The following AMMECR1 variants were observed in gnomAD, a reference collection of about 807,000 sequenced individuals.
The protein encoded by AMMECR1 is nuclear protein AMMECR1.
AMMECR1 carries 3 observed loss-of-function variants against 22.5 expected under a neutral mutation model. The observed-to-expected ratio is 0.13, with a 90% CI of 0.06 to 0.35. The LOEUF is 0.35. Among genes scored for constraint, AMMECR1 ranks in the 10% least tolerant of loss-of-function variants. AMMECR1 has a pLI of 1.00. For synonymous variants in AMMECR1, 130 were observed against 116.7 expected, an observed-to-expected ratio of 1.11 and a Z score of -0.74; for missense variants, 235 against 278.7, an observed-to-expected ratio of 0.84 and a Z score of 1.12.
chrX:110,212,846 A>C (rs2067454209), intron 3 of AMMECR1, among the ~76,000 whole-genome samples: 1 of 111,945 alleles, frequency 8.9e-6, no homozygotes, highest in Non-Finnish European at 1.9e-5. Flanking sequence ...TATGTAACCA[A>C]ATATTCAGAT....
intron 2 of AMMECR1, among the ~76,000 whole-genome samples, chrX:110,378,965 G>A (rs1446457296): frequency 3.6e-5 from 4 of 111,196 alleles, no homozygotes; most frequent in Non-Finnish European, 7.5e-5. Context: ...TGCCAGTCTC[G>A]TGAAACATTA....
At position 110,252,409 on chromosome X, in the gene AMMECR1, G is replaced by T. The variant is rs143458838; in HGVS notation, c.584+12080C>A. 9.2e-3 allele frequency among the ~76,000 whole-genome samples: 1,025 copies of T among 110,991 alleles called. 11 individuals are homozygous for T. The highest frequency in any genetic ancestry group is 0.032 in the African/African-American group (992 of 30,543). On this transcript the variant is annotated intron_variant, in intron 2 of 5. Transcript: ENST00000262844. ...ACTAGCCTGGGTAACATAGTGAGAC[G>T]CTGTTCCCCACAAAAAGAAAAGAGA... is the stretch of plus-strand genomic sequence containing the variant.
intron 1 of AMMECR1, among the ~76,000 whole-genome samples, chrX:110,435,496 T>C (rs1300975775): frequency 8.9e-6 from 1 of 111,997 alleles, no homozygotes; most frequent in African/African-American, 3.3e-5. Context: ...TAATTAGACC[T>C]AGCAGGTCCC....
chrX:110,411,620 C>A (rs769468487), intron 2 of AMMECR1, among the ~76,000 whole-genome samples: 14 of 112,006 alleles, frequency 1.2e-4, no homozygotes, highest in African/African-American at 4.5e-4. Flanking sequence ...AAAAATTTAA[C>A]AACCTGAGTA....
chrX:110,315,450 G>A (rs2068043651), intron 1 of AMMECR1, among the ~76,000 whole-genome samples: 1 of 112,158 alleles, frequency 8.9e-6, no homozygotes, highest in Non-Finnish European at 1.9e-5. Flanking sequence ...CATATCCACA[G>A]TGGTCAAAGT....
At chrX:110,254,915 A>G (rs2067703166) in intron 2 of AMMECR1, among the ~76,000 whole-genome samples, 1 of 111,928 alleles carries the variant, frequency 8.9e-6, no homozygotes, top group African/African-American at 3.2e-5. Context: ...CTGGAGCTAT[A>G]TTCACAACTC....
chrX:110,315,504 G>A (rs1019407092), intron 1 of AMMECR1, among the ~76,000 whole-genome samples: 1 of 112,281 alleles, frequency 8.9e-6, no homozygotes, highest in Non-Finnish European at 1.9e-5. Context: ...AAATCCAGGG[G>A]CTGGGGTGTT....
At chrX:110,414,494 G>T (rs1186043592) in intron 2 of AMMECR1, among the ~76,000 whole-genome samples, 1 of 112,921 alleles carries the variant, frequency 8.9e-6, no homozygotes, top group African/African-American at 3.2e-5. Flanking sequence ...TTTGCATGCA[G>T]TGTTTCATTT....
At chrX:110,207,150 C>A (rs2067425575) in intron 3 of AMMECR1, among the ~76,000 whole-genome samples, 1 of 111,251 alleles carries the variant, frequency 9.0e-6, no homozygotes, top group Non-Finnish European at 1.9e-5. Context: ...CACAAAACAA[C>A]CCTGGGTACC....
At chrX:110,223,039 G>A (rs1296670357) in intron 2 of AMMECR1, among the ~76,000 whole-genome samples, 1 of 111,835 alleles carries the variant, frequency 8.9e-6, no homozygotes, top group Non-Finnish European at 1.9e-5. Flanking sequence ...CAGCTGTGAG[G>A]ACCAGCAAGT....
upstream of AMMECR1, among the ~76,000 whole-genome samples, chrX:110,319,741 C>T (rs551483208): frequency 6.9e-4 from 77 of 111,829 alleles, no homozygotes; most frequent in South Asian, 8.2e-3. Flanking sequence ...GTAATTTGCC[C>T]AACATCACAC....
chrX:110,280,558 T>C (rs758544875), intron 1 of AMMECR1, among the ~76,000 whole-genome samples: 1 of 111,903 alleles, frequency 8.9e-6, no homozygotes, highest in South Asian at 3.7e-4. Flanking sequence ...AAAATACTTA[T>C]ATAACATTTT....
intron 3 of AMMECR1, among the ~76,000 whole-genome samples, chrX:110,213,965 T>TA (rs1382302167): frequency 5.9e-4 from 60 of 102,450 alleles, no homozygotes; most frequent in African/African-American, 8.1e-4. Flanking sequence ...ATATTAAAAG[T>TA]AAAAAAAAAA....
At chrX:110,403,452 A>G (rs961068338) in intron 2 of AMMECR1, among the ~76,000 whole-genome samples, 3 of 111,891 alleles carry the variant, frequency 2.7e-5, no homozygotes, top group African/African-American at 9.8e-5. Context: ...AGACAGACAG[A>G]CAGACACACA....
At chrX:110,316,664 T>A (rs990669380) in intron 1 of AMMECR1, among the ~76,000 whole-genome samples, 2 of 110,720 alleles carry the variant, frequency 1.8e-5, no homozygotes, top group Non-Finnish European at 3.8e-5. Flanking sequence ...GTAACAGTGC[T>A]ATTTTAAAAT....
chrX:110,257,189 T>C (rs1249004727), intron 2 of AMMECR1, among the ~76,000 whole-genome samples: 1 of 112,475 alleles, frequency 8.9e-6, no homozygotes, highest in Non-Finnish European at 1.9e-5. Flanking sequence ...AACTTAGCTT[T>C]ACCATTTCAG....
intron 2 of AMMECR1, among the ~76,000 whole-genome samples, chrX:110,411,978 G>C (rs1264818317): frequency 8.9e-6 from 1 of 112,524 alleles, no homozygotes; most frequent in Non-Finnish European, 1.9e-5. Context: ...AGAAGATAAT[G>C]AACAATTCAC....
chrX:110,206,280 T>A (rs1178768592), intron 3 of AMMECR1, among the ~76,000 whole-genome samples: 1 of 112,399 alleles, frequency 8.9e-6, no homozygotes, highest in Non-Finnish European at 1.9e-5. Context: ...AAATTAAGCT[T>A]TGAGACTGTC....
At chrX:110,231,365 A>G (rs1202164440) in intron 2 of AMMECR1, among the ~76,000 whole-genome samples, 1 of 112,385 alleles carries the variant, frequency 8.9e-6, no homozygotes, top group Non-Finnish European at 1.9e-5. Context: ...AATATTCAAC[A>G]TTCTTAAAGA....
Sources: gnomAD v4.1 joint callset for allele counts (sites outside exome capture counted in the v4.1 genomes callset) on GRCh38, gnomAD v4.1.1 for gene constraint, MANE v1.5 for transcripts, NCBI Gene and HGNC (gene_info 2026-07-23, HGNC 2026-07-21) for gene names.